ECPAS: variants seen among roughly 807,000 people sequenced by gnomAD.
The protein encoded by ECPAS is Ecm29 proteasome adaptor and scaffold.
ECPAS carries 70 observed loss-of-function variants against 255.1 expected under a neutral mutation model. That is an observed-to-expected ratio of 0.27 (90% CI 0.23 to 0.33). The LOEUF (loss-of-function observed/expected upper bound fraction) is 0.33, where lower values mean the gene tolerates loss of function less well. Among genes scored for constraint, ECPAS ranks in the 10% least tolerant of loss-of-function variants. The probability of loss-of-function intolerance (pLI) is 1.00; values close to 1 mark genes in which losing one functional copy is unlikely to be tolerated. For missense variants in ECPAS, 1,817 were observed against 2,206.4 expected, an observed-to-expected ratio of 0.82 and a Z score of 3.54; for synonymous variants, 784 against 775.0, an observed-to-expected ratio of 1.01 and a Z score of -0.19.
intron 5 of ECPAS, 83 bp from the exon 6 acceptor site, chr9:111,440,604 G>C (rs1037415258): frequency 2.7e-6 from 3 of 1,123,588 alleles, no homozygotes; most frequent in African/African-American, 3.1e-5. Context: ...CAAAAATCAC[G>C]TAACAAAAAC....
intron 29 of ECPAS, among the ~76,000 whole-genome samples, chr9:111,390,363 C>A (rs2098157695): frequency 6.6e-6 from 1 of 152,168 alleles, no homozygotes; most frequent in Admixed American, 6.5e-5. Context: ...CCACGGTCCA[C>A]TCACCACCTG....
chr9:111,438,480 C>T (rs1230259770), intron 6 of ECPAS, among the ~76,000 whole-genome samples: 3 of 151,982 alleles, frequency 2.0e-5, no homozygotes, highest in Non-Finnish European at 2.9e-5. Context: ...TGGTGGTGCA[C>T]GCCTGTAGTC....
chr9:111,458,112 T>TATAGACTATACATAAC (rs1249489036), intron 2 of ECPAS, among the ~76,000 whole-genome samples: 5 of 152,216 alleles, frequency 3.3e-5, no homozygotes, highest in Non-Finnish European at 5.9e-5. Flanking sequence ...AACTATACAT[T>TATAGACTATACATAAC]ATTAATATAG....
intron 34 of ECPAS, 71 bp downstream of exon 34, chr9:111,384,451 T>C: frequency 1.5e-6 from 2 of 1,346,476 alleles, no homozygotes; most frequent in Non-Finnish European, 2.1e-6. Context: ...CCTATGACAG[T>C]AAGTAAATCA....
intron 12 of ECPAS, among the ~76,000 whole-genome samples, chr9:111,424,711 A>C (rs2131812676): frequency 6.6e-6 from 1 of 152,350 alleles, no homozygotes. Flanking sequence ...AGAAAAATAT[A>C]AAAGAAAAAA....
intron 1 of ECPAS, among the ~76,000 whole-genome samples, chr9:111,479,394 G>A (rs983702241): frequency 7.3e-5 from 11 of 150,942 alleles, no homozygotes; most frequent in African/African-American, 1.5e-4. Context: ...TCAGGAGGTC[G>A]AGACCAGCCT....
At chr9:111,445,837 C>G (rs1263499457) in intron 3 of ECPAS, among the ~76,000 whole-genome samples, 1 of 152,150 alleles carries the variant, frequency 6.6e-6, no homozygotes, top group African/African-American at 2.4e-5. Context: ...GGCCCCACCC[C>G]CCACAACAGG....
chr9:111,446,362 G>A (rs1433989184), intron 3 of ECPAS, among the ~76,000 whole-genome samples: 1 of 152,126 alleles, frequency 6.6e-6, no homozygotes, highest in Admixed American at 6.6e-5. Flanking sequence ...AAGATTTTTA[G>A]AAGGCCTTGC....
intron 32 of ECPAS, 29 bp from the exon 33 acceptor site, chr9:111,385,471 T>C (rs1025763281): frequency 1.0e-5 from 13 of 1,255,188 alleles, no homozygotes; most frequent in Non-Finnish European, 1.5e-5. Context: ...TTTCAATATA[T>C]GATGAAAAAG....
intron 45 of ECPAS, among the ~76,000 whole-genome samples, chr9:111,369,962 C>G (rs2098125319): frequency 6.6e-6 from 1 of 152,214 alleles, no homozygotes; most frequent in Non-Finnish European, 1.5e-5. Context: ...CAAATCCACT[C>G]TCCCCTTCTC....
chr9:111,400,967 T>C (rs767964029), intron 24 of ECPAS, among the ~76,000 whole-genome samples: 1 of 151,910 alleles, frequency 6.6e-6, no homozygotes, highest in Non-Finnish European at 1.5e-5. Context: ...CCAAGGCATA[T>C]AATAAACTCA....
intron 24 of ECPAS, among the ~76,000 whole-genome samples, chr9:111,406,969 C>G (rs2098184917): frequency 6.7e-6 from 1 of 149,442 alleles, no homozygotes. Context: ...TATTCTGCTT[C>G]CGTTTCATGC....
In ECPAS at chr9:111,442,449, T is replaced by A. The variant is rs1334688436; in HGVS notation, c.271-25A>T. The A allele has an allele frequency of 2.3e-6, 3 of 1,309,568 alleles. No homozygotes were observed. The Admixed American group carries it at 5.6e-5, about 24-fold the overall frequency. 81.1% of individuals were successfully genotyped at this position (1,309,568 alleles called of 1,614,324 possible). ...TCTAATGCAATAAGAGAAAAGCAAG[T>A]GAGTGTGAAGGAAATACTCTATGAT... On this transcript the variant is annotated intron_variant, in intron 4 of 49. Transcript: ENST00000684092.
chr9:111,470,371 C>T (rs1249461431), intron 2 of ECPAS, among the ~76,000 whole-genome samples: 2 of 151,232 alleles, frequency 1.3e-5, no homozygotes, highest in East Asian at 1.9e-4. Context: ...AGTGCAGTGG[C>T]GCAATCTCTG....
At chr9:111,483,325 C>T (rs1290031726) in intron 1 of ECPAS, among the ~76,000 whole-genome samples, 1 of 151,602 alleles carries the variant, frequency 6.6e-6, no homozygotes, top group Non-Finnish European at 1.5e-5. Context: ...CCTACAAACG[C>T]CAGCGGCGAC....
At chr9:111,403,409 A>G (rs763643527) in intron 24 of ECPAS, among the ~76,000 whole-genome samples, 4 of 150,530 alleles carry the variant, frequency 2.7e-5, no homozygotes, top group Non-Finnish European at 5.9e-5. Flanking sequence ...TTGAAGGTAA[A>G]GGTATGAAAA....
chr9:111,387,907 C>T (rs1288359902), intron 31 of ECPAS, among the ~76,000 whole-genome samples: 2 of 152,194 alleles, frequency 1.3e-5, no homozygotes, highest in African/African-American at 4.8e-5. Flanking sequence ...TCTCACTCAT[C>T]ATCAGTGCAG....
At chr9:111,399,748 C>T (rs1256453783) in intron 24 of ECPAS, among the ~76,000 whole-genome samples, 1 of 152,256 alleles carries the variant, frequency 6.6e-6, no homozygotes, top group Non-Finnish European at 1.5e-5. Flanking sequence ...CCGAAAGCCC[C>T]ACTTCCAGGA....
Position 111,425,736 on chromosome 9 carries a change from G to C in ECPAS, c.1136+7C>G. On this transcript the variant is annotated splice_region_variant and intron_variant, in intron 11 of 49. Transcript: ENST00000684092. ...AAACTTTATAGTTAAAATAGTTAAAGACTTACGTTATACAAATATGATGCA... is the reference window on the plus strand; with the variant it reads ...AAACTTTATAGTTAAAATAGTTAAACACTTACGTTATACAAATATGATGCA... 1 of 1,486,888 alleles carries C rather than the reference G, an allele frequency of 6.7e-7. No individual in the cohort carries two copies. The allele number at this position is 1,486,888 out of a possible 1,614,324, so 92.1% of individuals were successfully genotyped here.
Sources: allele counts gnomAD v4.1 joint callset (sites outside exome capture counted in the v4.1 genomes callset), GRCh38; gene constraint gnomAD v4.1.1; transcripts MANE v1.5; gene names NCBI Gene and HGNC (gene_info 2026-07-23, HGNC 2026-07-21).